Variants in KAZN observed in about 807,000 individuals in gnomAD.
KAZN encodes the protein kazrin, periplakin interacting protein, also known as kazrin.
In KAZN, 40 loss-of-function variants were observed where a neutral mutation model predicts 87.4. The observed-to-expected ratio is 0.46, with a 90% CI of 0.36 to 0.60. The LOEUF (loss-of-function observed/expected upper bound fraction) is 0.60. Ranked by LOEUF, KAZN falls within the 20% of genes least tolerant of loss-of-function variation. KAZN has a pLI of 0.00. For missense variants in KAZN, 898 were observed against 1,073.9 expected, an observed-to-expected ratio of 0.84 and a Z score of 2.29; for synonymous variants, 466 against 458.3, an observed-to-expected ratio of 1.02 and a Z score of -0.22.
chr1:14,419,377 T>TA (rs1665156983), intron 2 of KAZN, among the ~76,000 whole-genome samples: 1 of 152,158 alleles, frequency 6.6e-6, no homozygotes, highest in Non-Finnish European at 1.5e-5. Flanking sequence ...ATCTATCTCA[T>TA]TGCCTGGGAA....
At chr1:14,357,428 T>C (rs559363158) in intron 2 of KAZN, among the ~76,000 whole-genome samples, 1 of 152,324 alleles carries the variant, frequency 6.6e-6, no homozygotes, top group East Asian at 1.9e-4. Flanking sequence ...TTCTCTTACC[T>C]GATTGCCCTG....
chr1:14,803,787 T>C (rs1294302840), intron 1 of KAZN, among the ~76,000 whole-genome samples: 3 of 152,248 alleles, frequency 2.0e-5, no homozygotes, highest in Non-Finnish European at 2.9e-5. Context: ...GCACTCCACA[T>C]TGGCGCTCTG....
chr1:14,375,695 G>T (rs1293564403), intron 2 of KAZN, among the ~76,000 whole-genome samples: 1 of 152,100 alleles, frequency 6.6e-6, no homozygotes, highest in East Asian at 1.9e-4. Context: ...GACCATCCTG[G>T]CTAACATGGT....
At chr1:14,264,455 G>T (rs763542643) in intron 2 of KAZN, among the ~76,000 whole-genome samples, 6 of 152,170 alleles carry the variant, frequency 3.9e-5, no homozygotes, top group Non-Finnish European at 7.3e-5. Flanking sequence ...GTTCATGAAG[G>T]TTCTGCCCTC....
At position 15,081,045 on chromosome 1, in the gene KAZN, AG is replaced by A. The variant is rs1416615667; in HGVS notation, c.1223-13131del. 2.0e-5 allele frequency among the ~76,000 whole-genome samples: 3 copies of A among 152,238 alleles called. No homozygotes were observed. The highest frequency in any genetic ancestry group is 2.9e-5 in the Non-Finnish European group (2 of 68,050). The stretch of plus-strand genomic sequence containing the variant: ...AGAATGGTAGCATCTACTGCATAAG[AG>A]GGGCCACAGGTGACCCTGCTGTGGC... On this transcript the variant is annotated intron_variant, in intron 8 of 14. Coordinates refer to ENST00000376030, the MANE Select transcript of KAZN (RefSeq NM_201628.3). This position sits in a 1 kb window ranked among gnomAD's most constrained non-coding sequence, Gnocchi z 4.1.
chr1:14,729,049 T>C (rs558446135), intron 1 of KAZN, among the ~76,000 whole-genome samples: 178 of 151,786 alleles, frequency 1.2e-3, no homozygotes, highest in African/African-American at 4.1e-3. Flanking sequence ...AGAGTGGCCC[T>C]GGCGTGACCC....
rs537667607 is a variant in KAZN at position 14,357,869 on chromosome 1, T to G, written c.249+177277T>G. 4.8e-4 allele frequency among the ~76,000 whole-genome samples: 73 copies of G among 152,326 alleles called. 2 individuals are homozygous for G. The South Asian group carries it at 0.014, about 30-fold the overall frequency. ...TTTGCACTGATGTTCACCAGGGATA[T>G]TAGCCTGAAACTTTCTTTTTCAGTT... On this transcript the variant is annotated intron_variant, in intron 2 of 16. Coordinates refer to the KAZN transcript ENST00000636203.
chr1:14,285,332 A>T (rs1229126784), intron 2 of KAZN, among the ~76,000 whole-genome samples: 3 of 152,232 alleles, frequency 2.0e-5, no homozygotes, highest in Non-Finnish European at 2.9e-5. Flanking sequence ...AACACTAGAC[A>T]TTCTCCTCAC....
In KAZN at chr1:14,141,908, C is replaced by G. The variant is rs138892718; in HGVS notation, c.92-38527C>G. Among the ~76,000 whole-genome samples the G allele has an allele frequency of 5.3e-4, 80 of 152,160 alleles. 1 individual carries two copies. The East Asian group carries it at 0.014, about 26-fold the overall frequency. On this transcript the variant is annotated intron_variant, in intron 1 of 16. Transcript: ENST00000636203. ...TTATGGGAAATGGCTGGATGCTATT[C>G]AGTTTGAGGTTGTAAGTGAAAATGT...
chr1:14,365,329 G>T (rs912619872), intron 2 of KAZN, among the ~76,000 whole-genome samples: 5 of 149,704 alleles, frequency 3.3e-5, no homozygotes, highest in African/African-American at 1.2e-4. Flanking sequence ...TTACAGGTGT[G>T]AGCCACCGCG....
intron 1 of KAZN, among the ~76,000 whole-genome samples, chr1:14,880,491 G>A (rs1359571600): frequency 6.6e-6 from 1 of 152,170 alleles, no homozygotes; most frequent in Non-Finnish European, 1.5e-5. Context: ...GTGGGTCAGG[G>A]AATTAGACAA....
chr1:14,493,929 G>A (rs1421556967), intron 2 of KAZN, among the ~76,000 whole-genome samples: 1 of 152,136 alleles, frequency 6.6e-6, no homozygotes, highest in Admixed American at 6.5e-5. Flanking sequence ...CTCCAGGTCA[G>A]GGTTGTGTCT....
intron 4 of KAZN, among the ~76,000 whole-genome samples, chr1:15,055,868 G>A (rs566324318): frequency 1.4e-4 from 21 of 152,288 alleles, no homozygotes; most frequent in African/African-American, 4.6e-4. Flanking sequence ...ACACCTCTCC[G>A]TGCCTTCGCG....
At chr1:15,031,507 G>C (rs151044500) in intron 2 of KAZN, among the ~76,000 whole-genome samples, 1 of 151,908 alleles carries the variant, frequency 6.6e-6, no homozygotes, top group South Asian at 2.1e-4. Flanking sequence ...GGGAAGGAGA[G>C]TCTGGAGGGG....
intron 2 of KAZN, among the ~76,000 whole-genome samples, chr1:14,591,812 CCCATGTGTGCGTGTGTTTCATCAA>C (rs1303957474): frequency 6.6e-6 from 1 of 152,146 alleles, no homozygotes. Context: ...CATGCACGCG[CCCATGTGTGCGTGTGTTTCATCAA>C]CACTGAACGC....
At chr1:14,408,562 C>T (rs1260573402) in intron 2 of KAZN, among the ~76,000 whole-genome samples, 7 of 152,178 alleles carry the variant, frequency 4.6e-5, no homozygotes, top group Admixed American at 3.9e-4. Context: ...AGGGCCGTCT[C>T]CCAGGTTCCA....
chr1:14,484,706 G>T (rs1197920715), intron 2 of KAZN, among the ~76,000 whole-genome samples: 1 of 152,196 alleles, frequency 6.6e-6, no homozygotes, highest in East Asian at 1.9e-4. Context: ...CATGGCTGCG[G>T]TCAGCTGCAG....
intron 2 of KAZN, among the ~76,000 whole-genome samples, chr1:14,387,497 G>A (rs557244438): frequency 1.3e-5 from 2 of 151,982 alleles, no homozygotes; most frequent in South Asian, 4.2e-4. Context: ...TTTTGGTGTG[G>A]ATGTCCTTTC....
At chr1:14,992,627 G>A (rs115018010) in intron 2 of KAZN, among the ~76,000 whole-genome samples, 1,613 of 152,194 alleles carry the variant, frequency 0.011, 24 homozygotes, top group African/African-American at 0.037. Context: ...TACCTATCTG[G>A]GAGCCTTTAT....
Sources: allele counts gnomAD v4.1 joint callset (sites outside exome capture counted in the v4.1 genomes callset), GRCh38; gene constraint gnomAD v4.1.1; non-coding constraint Gnocchi (gnomAD v3.1); transcripts MANE v1.5; gene names NCBI Gene and HGNC (gene_info 2026-07-23, HGNC 2026-07-21).